TCF7L2: variants seen among roughly 807,000 people sequenced by gnomAD.
The protein encoded by TCF7L2 is transcription factor 7 like 2, also known as transcription factor 7-like 2.
In TCF7L2, 23 loss-of-function variants were observed where a neutral mutation model predicts 77.9. That is an observed-to-expected ratio of 0.30 (90% CI 0.21 to 0.42). The LOEUF (loss-of-function observed/expected upper bound fraction) is 0.42, where lower values mean the gene tolerates loss of function less well. TCF7L2 is among the 10% of genes least tolerant of loss of function. TCF7L2 has a pLI of 1.00. For missense variants in TCF7L2, 654 were observed against 793.1 expected (o/e 0.82, Z 2.11); for synonymous variants, 413 against 340.2 (o/e 1.21, Z -2.36).
intron 4 of TCF7L2, among the ~76,000 whole-genome samples, chr10:112,969,191 CTG>C (rs1185711323): frequency 6.6e-6 from 1 of 152,140 alleles, no homozygotes; most frequent in Admixed American, 6.5e-5. Flanking sequence ...TTATTTATCA[CTG>C]TGGATTAGTT....
At chr10:113,157,437 G>T (rs766497447) in intron 11 of TCF7L2, among the ~76,000 whole-genome samples, 13 of 152,216 alleles carry the variant, frequency 8.5e-5, no homozygotes, top group Non-Finnish European at 1.9e-4. Flanking sequence ...GTTGTGAAAG[G>T]AGCCCAGATG....
intron 4 of TCF7L2, among the ~76,000 whole-genome samples, chr10:112,971,927 T>C (rs1213148721): frequency 8.0e-6 from 1 of 124,982 alleles, no homozygotes; most frequent in African/African-American, 4.3e-5. Context: ...TTTTTTTCTT[T>C]CCTTTTTTTT....
At chr10:113,023,365 TG>T (rs1252013494) in intron 4 of TCF7L2, among the ~76,000 whole-genome samples, 8 of 152,206 alleles carry the variant, frequency 5.3e-5, no homozygotes, top group African/African-American at 1.2e-4. Flanking sequence ...TTTAGGCATT[TG>T]GGAAACTTTA....
chr10:113,084,277 T>C (rs576269526), intron 5 of TCF7L2, among the ~76,000 whole-genome samples: 7 of 152,344 alleles, frequency 4.6e-5, no homozygotes, highest in African/African-American at 1.4e-4. Context: ...GAGTCCATGG[T>C]GCAGCTCTAG....
intron 5 of TCF7L2, among the ~76,000 whole-genome samples, chr10:113,100,192 C>CTAT (rs2061479679): frequency 6.6e-6 from 1 of 152,210 alleles, no homozygotes; most frequent in African/African-American, 2.4e-5. Flanking sequence ...CAACCACACA[C>CTAT]TATAAACAAA....
chr10:113,108,810 TC>T (rs1368201767), intron 5 of TCF7L2, among the ~76,000 whole-genome samples: 1 of 152,210 alleles, frequency 6.6e-6, no homozygotes, highest in African/African-American at 2.4e-5. Flanking sequence ...AAGCATTTGT[TC>T]AAAAATCACT....
chr10:113,141,624 A>G (rs2068403206), intron 6 of TCF7L2, among the ~76,000 whole-genome samples: 1 of 152,178 alleles, frequency 6.6e-6, no homozygotes, highest in African/African-American at 2.4e-5. Flanking sequence ...AGTATGTTTC[A>G]GGAGTGGCTT....
rs901357560 is a variant in TCF7L2 at position 113,155,637 on chromosome 10, CG to C, written c.1270-2380del. Among the ~76,000 whole-genome samples, 6 of 152,302 alleles carry C rather than the reference CG, an allele frequency of 3.9e-5. No individual in the cohort carries two copies. The East Asian group carries it at 9.7e-4, about 25-fold the overall frequency. The stretch of plus-strand genomic sequence containing the variant: ...ACAGTATATTGCAAGGAATTGGAAA[CG>C]GGGATGCTTTTTCACACATGGCTGA... On this transcript the variant is annotated intron_variant, in intron 11 of 13. Coordinates refer to ENST00000627217, the MANE Select transcript of TCF7L2 (RefSeq NM_001146274.2).
intron 5 of TCF7L2, among the ~76,000 whole-genome samples, chr10:113,064,039 C>T (rs1316390829): frequency 3.3e-5 from 5 of 151,902 alleles, no homozygotes; most frequent in African/African-American, 4.8e-5. Context: ...GAAGGGGAGG[C>T]GTTTATTGGT....
At chr10:113,164,404 A>G (rs905709824) in intron 13 of TCF7L2, among the ~76,000 whole-genome samples, 8 of 152,182 alleles carry the variant, frequency 5.3e-5, no homozygotes, top group African/African-American at 1.9e-4. Flanking sequence ...ACCCAAACCC[A>G]GGAAGGTCCA....
At chr10:113,090,470 T>C (rs993118356) in intron 5 of TCF7L2, among the ~76,000 whole-genome samples, 4 of 152,184 alleles carry the variant, frequency 2.6e-5, no homozygotes, top group African/African-American at 9.7e-5. Context: ...AGTCTTGCTG[T>C]TGGAGAGACA....
chr10:112,984,264 A>G (rs2041054603), intron 4 of TCF7L2, among the ~76,000 whole-genome samples: 1 of 151,786 alleles, frequency 6.6e-6, no homozygotes, highest in Non-Finnish European at 1.5e-5. Flanking sequence ...CCTTCAGAAG[A>G]CTTGTGTTTC....
intron 5 of TCF7L2, among the ~76,000 whole-genome samples, chr10:113,062,802 G>A (rs1300895384): frequency 6.6e-6 from 1 of 152,056 alleles, no homozygotes; most frequent in Non-Finnish European, 1.5e-5. Flanking sequence ...CTAGCCCAAG[G>A]GAGACTCCAG....
At chr10:113,154,193 G>T (rs957911006) in intron 11 of TCF7L2, among the ~76,000 whole-genome samples, 1 of 152,150 alleles carries the variant, frequency 6.6e-6, no homozygotes, top group Non-Finnish European at 1.5e-5. Context: ...GAAAGTGAAT[G>T]CTCTCCCACA....
At chr10:113,081,303 G>A (rs914953691) in intron 5 of TCF7L2, among the ~76,000 whole-genome samples, 3 of 152,194 alleles carry the variant, frequency 2.0e-5, no homozygotes, top group Non-Finnish European at 4.4e-5. Context: ...CACACAACAC[G>A]CACCAATACT....
At chr10:113,078,625 A>G (rs1217477365) in intron 5 of TCF7L2, among the ~76,000 whole-genome samples, 2 of 151,884 alleles carry the variant, frequency 1.3e-5, no homozygotes, top group Non-Finnish European at 2.9e-5. Context: ...TTCCTCCCTC[A>G]GCCTCTCAAA....
chr10:113,071,562 C>T (rs1174556607), intron 5 of TCF7L2, among the ~76,000 whole-genome samples: 1 of 152,184 alleles, frequency 6.6e-6, no homozygotes, highest in Non-Finnish European at 1.5e-5. Flanking sequence ...CAAGTTCACA[C>T]TCAGGAGGGA....
intron 3 of TCF7L2, among the ~76,000 whole-genome samples, chr10:112,958,170 A>T (rs1459854743): frequency 1.3e-5 from 2 of 152,210 alleles, no homozygotes; most frequent in Non-Finnish European, 2.9e-5. Context: ...CCTTAGGCAC[A>T]TCTGATTTCG....
At chr10:113,161,572 C>T in intron 13 of TCF7L2, 1 of 1,536,114 alleles carries the variant, frequency 6.5e-7, no homozygotes, top group Non-Finnish European at 8.7e-7. Flanking sequence ...TGTTCTGATA[C>T]AAGCAGTCTT....
Sources: gnomAD v4.1 joint callset for allele counts (sites outside exome capture counted in the v4.1 genomes callset) on GRCh38, gnomAD v4.1.1 for gene constraint, MANE v1.5 for transcripts, NCBI Gene and HGNC (gene_info 2026-07-23, HGNC 2026-07-21) for gene names.